Variants in DOK6 observed in about 807,000 individuals in gnomAD.
DOK6 encodes downstream of tyrosine kinase 6.
Under a neutral mutation model 44.0 loss-of-function variants are expected in DOK6, and 22 were observed. The observed-to-expected ratio is 0.50, with a 90% CI of 0.36 to 0.71. DOK6 has a LOEUF of 0.71. Ranked by LOEUF, DOK6 falls within the 30% of genes least tolerant of loss-of-function variation. The probability of loss-of-function intolerance (pLI) is 0.00; values close to 1 mark genes in which losing one functional copy is unlikely to be tolerated. For missense variants in DOK6, 340 were observed against 416.4 expected (o/e 0.82, Z 1.60); for synonymous variants, 166 against 145.5 (o/e 1.14, Z -1.01).
intron 2 of DOK6, among the ~76,000 whole-genome samples, chr18:69,580,669 T>C (rs1479420193): frequency 6.6e-6 from 1 of 152,200 alleles, no homozygotes; most frequent in Non-Finnish European, 1.5e-5. Context: ...AACATTTATT[T>C]TTCTTTGTGT....
chr18:69,428,077 C>T (rs1446702873), intron 1 of DOK6, among the ~76,000 whole-genome samples: 1 of 152,152 alleles, frequency 6.6e-6, no homozygotes, highest in Non-Finnish European at 1.5e-5. Flanking sequence ...CCGGCCTGGC[C>T]TGGAGTACCC....
Position 69,545,516 on chromosome 18 carries a change from CAAA to C in DOK6, c.67-18956_67-18954del, listed in dbSNP as rs397760145. Among the ~76,000 whole-genome samples, 8 of 69,586 alleles carry C rather than the reference CAAA, an allele frequency of 1.1e-4. 1 individual carries two copies. The highest frequency in any genetic ancestry group is 5.3e-4 in the Admixed American group (3 of 5,696). The allele number at this position is 69,586 out of a possible 152,430, so 45.7% of individuals were successfully genotyped here. ...TCACTATTTCTCTTCAGTGAAATACCAAAAAAAAAAAAAAAAAGAAAAGAAAAA... is the reference window on the plus strand; with the variant it reads ...TCACTATTTCTCTTCAGTGAAATACCAAAAAAAAAAAAAAGAAAAGAAAAA... On this transcript the variant is annotated intron_variant, in intron 1 of 7. Transcript: ENST00000382713.
At chr18:69,549,676 G>A (rs1982508819) in intron 1 of DOK6, among the ~76,000 whole-genome samples, 1 of 151,418 alleles carries the variant, frequency 6.6e-6, no homozygotes, top group African/African-American at 2.4e-5. Context: ...TTAATGAAGT[G>A]AGAGTTTGTT....
At chr18:69,717,302 G>C (rs1324163248) in intron 5 of DOK6, among the ~76,000 whole-genome samples, 2 of 151,928 alleles carry the variant, frequency 1.3e-5, no homozygotes, top group Non-Finnish European at 2.9e-5. Context: ...TATTCATTAA[G>C]CCTATTTATA....
At chr18:69,809,612 A>G (rs998012073) in intron 7 of DOK6, among the ~76,000 whole-genome samples, 3 of 150,330 alleles carry the variant, frequency 2.0e-5, no homozygotes, top group African/African-American at 7.4e-5. Flanking sequence ...AAGAAAAAAA[A>G]CAGACAAAAC....
At chr18:69,680,614 T>C (rs1215267535) in intron 4 of DOK6, among the ~76,000 whole-genome samples, 1 of 152,208 alleles carries the variant, frequency 6.6e-6, no homozygotes, top group African/African-American at 2.4e-5. Context: ...GAGACAACTA[T>C]ACACACACAG....
intron 4 of DOK6, among the ~76,000 whole-genome samples, chr18:69,678,302 C>A (rs920597239): frequency 1.3e-5 from 2 of 152,084 alleles, no homozygotes; most frequent in African/African-American, 4.8e-5. Context: ...GGGACTTTCC[C>A]ACAATGGTGT....
chr18:69,548,531 G>A (rs1369794177), intron 1 of DOK6, among the ~76,000 whole-genome samples: 1 of 151,494 alleles, frequency 6.6e-6, no homozygotes, highest in Admixed American at 6.6e-5. Flanking sequence ...ATGGATGTAT[G>A]TATTGTAGCA....
chr18:69,684,581 T>C (rs1986110051), intron 4 of DOK6, among the ~76,000 whole-genome samples: 1 of 150,554 alleles, frequency 6.6e-6, no homozygotes, highest in Admixed American at 6.6e-5. Context: ...ATGAAAAGAG[T>C]GGCTTGAAAA....
At chr18:69,651,677 C>CGG (rs899157550) in intron 3 of DOK6, among the ~76,000 whole-genome samples, 1 of 151,710 alleles carries the variant, frequency 6.6e-6, no homozygotes. Context: ...TGAGTAAAGA[C>CGG]GGGGTTTCAC....
At chr18:69,677,941 A>G (rs1985961944) in intron 4 of DOK6, 88 bp downstream of exon 4, 1 of 1,490,266 alleles carries the variant, frequency 6.7e-7, no homozygotes, top group East Asian at 2.5e-5. Flanking sequence ...AATGTTTCAG[A>G]CCAATCATAT....
intron 2 of DOK6, among the ~76,000 whole-genome samples, chr18:69,588,651 C>T (rs1238581520): frequency 1.3e-5 from 2 of 152,028 alleles, no homozygotes; most frequent in Non-Finnish European, 2.9e-5. Flanking sequence ...GAGATTCCCA[C>T]CAGGACACAC....
intron 1 of DOK6, among the ~76,000 whole-genome samples, chr18:69,509,377 C>T (rs893988847): frequency 2.0e-5 from 3 of 152,122 alleles, no homozygotes; most frequent in Non-Finnish European, 4.4e-5. Flanking sequence ...GTGGTTCACG[C>T]CTGTAATCCC....
intron 1 of DOK6, among the ~76,000 whole-genome samples, chr18:69,416,252 A>G (rs1051056339): frequency 6.6e-6 from 1 of 152,106 alleles, no homozygotes; most frequent in Non-Finnish European, 1.5e-5. Flanking sequence ...GGGAGCAAGG[A>G]ACAAACATGT....
intron 1 of DOK6, among the ~76,000 whole-genome samples, chr18:69,432,550 C>T (rs895288339): frequency 3.9e-5 from 6 of 152,134 alleles, no homozygotes; most frequent in African/African-American, 1.4e-4. Context: ...TGATTGCTAA[C>T]AACATAATGC....
intron 7 of DOK6, among the ~76,000 whole-genome samples, chr18:69,813,113 A>C (rs35641347): frequency 0.052 from 7,883 of 152,220 alleles, 570 homozygotes; most frequent in African/African-American, 0.16. Context: ...ACTCTACTTC[A>C]TGCCTACCTG....
chr18:69,655,661 G>A lies in DOK6; in HGVS notation c.290-22073G>A, dbSNP rs552613025. ...CCAGCTACTCAGGAGACTGAGGCAGGAGAATTGCTTGAACCCGGGAGGTGG... is the reference window on the plus strand; with the variant it reads ...CCAGCTACTCAGGAGACTGAGGCAGAAGAATTGCTTGAACCCGGGAGGTGG... On this transcript the variant is annotated intron_variant, in intron 3 of 7. Coordinates refer to ENST00000382713, the MANE Select transcript of DOK6 (RefSeq NM_152721.6). Among the ~76,000 whole-genome samples, 767 of 150,596 alleles carry A rather than the reference G, an allele frequency of 5.1e-3. 11 individuals are homozygous for A. The highest frequency in any genetic ancestry group is 2.3e-3 in the Non-Finnish European group (158 of 67,816).
intron 3 of DOK6, among the ~76,000 whole-genome samples, chr18:69,673,398 A>G (rs1034098815): frequency 6.6e-6 from 1 of 152,182 alleles, no homozygotes; most frequent in Non-Finnish European, 1.5e-5. Context: ...TTCTATTTAA[A>G]TACCTCTTCT....
chr18:69,443,355 C>T (rs1024818250), intron 1 of DOK6, among the ~76,000 whole-genome samples: 2 of 152,126 alleles, frequency 1.3e-5, no homozygotes, highest in Admixed American at 6.5e-5. Context: ...GGAGCAAGAC[C>T]ATCTCAGGTT....
Sources: gnomAD v4.1 joint callset for allele counts (sites outside exome capture counted in the v4.1 genomes callset) on GRCh38, gnomAD v4.1.1 for gene constraint, MANE v1.5 for transcripts, NCBI Gene and HGNC (gene_info 2026-07-23, HGNC 2026-07-21) for gene names.